SEL1L2: variants seen among roughly 807,000 people sequenced by gnomAD.
The protein encoded by SEL1L2 is SEL1L2 adaptor subunit of SYVN1 ubiquitin ligase, also known as protein sel-1 homolog 2.
A neutral mutation model predicts 98.8 loss-of-function variants in SEL1L2; 89 were observed. The ratio of observed to expected loss-of-function variants is 0.90; its 90% CI spans 0.76 to 1.07. The LOEUF (loss-of-function observed/expected upper bound fraction) is 1.07. Ranked by LOEUF, SEL1L2 falls within the 50% of genes least tolerant of loss-of-function variation. SEL1L2 has a pLI of 0.00. For missense variants in SEL1L2, 788 were observed against 812.0 expected (o/e 0.97, Z 0.36); for synonymous variants, 262 against 278.5 (o/e 0.94, Z 0.59).
Position 13,859,249 on chromosome 20 carries a change from C to A in SEL1L2, c.1818+13G>T. The A allele has an allele frequency of 1.2e-6, 2 of 1,612,120 alleles. No individual in the cohort carries two copies. Among genetic ancestry groups the A allele is most frequent in the Non-Finnish European group, 1.7e-6 (2 of 1,178,348 alleles). ...TGTCATTACTAGGTTTGAATTATTA[C>A]CAGCAAAATTACCTTTGTGATGCCT... On this transcript the variant is annotated intron_variant, in intron 18 of 19. Transcript: ENST00000284951.
At chr20:13,949,519 C>T (rs980295258) in intron 2 of SEL1L2, among the ~76,000 whole-genome samples, 8 of 152,100 alleles carry the variant, frequency 5.3e-5, no homozygotes, top group Non-Finnish European at 1.5e-5. Flanking sequence ...AAAAAATTAG[C>T]CAGGCGTGGT....
At chr20:13,877,698 G>A in intron 10 of SEL1L2, 110 bp from the exon 11 acceptor site, 1 of 793,892 alleles carries the variant, frequency 1.3e-6, no homozygotes. Context: ...TATGGTGCTT[G>A]CCACTGAGCT....
At chr20:13,874,409 A>T (rs1306451584) in intron 12 of SEL1L2, among the ~76,000 whole-genome samples, 2 of 152,226 alleles carry the variant, frequency 1.3e-5, no homozygotes, top group African/African-American at 4.8e-5. Context: ...TTGTAAGTTC[A>T]GATTTCCTTT....
At chr20:13,885,431 TTAGC>T (rs1162130385) in intron 9 of SEL1L2, 28 bp from the exon 10 acceptor site, 1 of 1,429,352 alleles carries the variant, frequency 7.0e-7, no homozygotes, top group Non-Finnish European at 9.9e-7. Flanking sequence ...GGAAATGATT[TTAGC>T]AGCAGTATTA....
chr20:13,989,325 C>A (rs1257611530), intron 1 of SEL1L2, among the ~76,000 whole-genome samples: 7 of 151,980 alleles, frequency 4.6e-5, no homozygotes, highest in Non-Finnish European at 1.0e-4. Flanking sequence ...ATTTATCCTG[C>A]ATTTGTTATG....
At chr20:13,956,010 G>GA in intron 2 of SEL1L2, 66 bp downstream of exon 2, 3 of 837,346 alleles carry the variant, frequency 3.6e-6, no homozygotes, top group Non-Finnish European at 6.0e-6. Flanking sequence ...TGAGTATCCT[G>GA]AAAAAACTAG....
At chr20:13,974,086 G>T (rs1443278050) in intron 1 of SEL1L2, among the ~76,000 whole-genome samples, 1 of 152,004 alleles carries the variant, frequency 6.6e-6, no homozygotes. Context: ...TCTTTGTGTG[G>T]CCATTAAAAC....
At chr20:13,859,648 T>G (rs1989765702) in intron 17 of SEL1L2, among the ~76,000 whole-genome samples, 1 of 152,212 alleles carries the variant, frequency 6.6e-6, no homozygotes, top group Non-Finnish European at 1.5e-5. Flanking sequence ...ACTGTTTTCA[T>G]TATAGCGTAA....
upstream of SEL1L2, among the ~76,000 whole-genome samples, chr20:13,993,251 T>C (rs1483470343): frequency 4.6e-5 from 7 of 152,170 alleles, no homozygotes; most frequent in Admixed American, 4.6e-4. Context: ...CTCAATAAAA[T>C]TGCGTAGGTA....
At chr20:13,994,106 C>T (rs2052585231), upstream of SEL1L2, among the ~76,000 whole-genome samples, 1 of 151,894 alleles carries the variant, frequency 6.6e-6, no homozygotes, top group Non-Finnish European at 1.5e-5. Context: ...ACCAGCCTGG[C>T]CAACACGGTG....
At chr20:13,954,297 CCT>C (rs2050416365) in intron 2 of SEL1L2, among the ~76,000 whole-genome samples, 1 of 152,058 alleles carries the variant, frequency 6.6e-6, no homozygotes, top group Non-Finnish European at 1.5e-5. Context: ...CAAATAGTAT[CCT>C]GCTCATTGCC....
At chr20:13,933,382 A>G (rs537015723) in intron 2 of SEL1L2, among the ~76,000 whole-genome samples, 1 of 152,194 alleles carries the variant, frequency 6.6e-6, no homozygotes, top group African/African-American at 2.4e-5. Context: ...TCACCTTAAG[A>G]AAAAACCACA....
intron 2 of SEL1L2, among the ~76,000 whole-genome samples, chr20:13,936,264 G>A (rs1228576965): frequency 6.6e-6 from 1 of 152,192 alleles, no homozygotes; most frequent in African/African-American, 2.4e-5. Context: ...ATTCCTGGGT[G>A]TGAGCTAAGC....
At chr20:13,881,338 G>A (rs1019184925) in intron 10 of SEL1L2, among the ~76,000 whole-genome samples, 9 of 152,168 alleles carry the variant, frequency 5.9e-5, no homozygotes, top group African/African-American at 1.9e-4. Flanking sequence ...CTCTTGCTCT[G>A]TAGAACATCC....
At chr20:13,976,738 AAGTGCATTAGTGT>A (rs1424994020) in intron 1 of SEL1L2, among the ~76,000 whole-genome samples, 1 of 152,238 alleles carries the variant, frequency 6.6e-6, no homozygotes, top group African/African-American at 2.4e-5. Flanking sequence ...AGCAAGTTAG[AAGTGCATTAGTGT>A]AGTTAAAAGA....
chr20:13,863,653 A>G (rs1267208539), intron 17 of SEL1L2, among the ~76,000 whole-genome samples: 1 of 152,186 alleles, frequency 6.6e-6, no homozygotes, highest in African/African-American at 2.4e-5. Context: ...TGACTTTTTT[A>G]TATTGAGGAA....
At chr20:13,919,644 C>G (rs544125704) in intron 3 of SEL1L2, among the ~76,000 whole-genome samples, 1 of 152,096 alleles carries the variant, frequency 6.6e-6, no homozygotes, top group East Asian at 1.9e-4. Context: ...CTTGGCTGGG[C>G]GCGGTGACTC....
intron 2 of SEL1L2, among the ~76,000 whole-genome samples, chr20:13,953,468 T>C (rs560664900): frequency 6.6e-6 from 1 of 152,268 alleles, no homozygotes; most frequent in African/African-American, 2.4e-5. Context: ...TTCGTCCTTA[T>C]CCTTATCCTT....
intron 5 of SEL1L2, among the ~76,000 whole-genome samples, chr20:13,889,747 C>CG (rs754656592): frequency 2.6e-5 from 4 of 152,026 alleles, no homozygotes; most frequent in Non-Finnish European, 4.4e-5. Context: ...ACCAAGATCG[C>CG]GCCACTGCAC....
Sources: gnomAD v4.1 joint callset for allele counts (sites outside exome capture counted in the v4.1 genomes callset) on GRCh38, gnomAD v4.1.1 for gene constraint, MANE v1.5 for transcripts, NCBI Gene and HGNC (gene_info 2026-07-23, HGNC 2026-07-21) for gene names.